FGF14: variants seen among roughly 807,000 people sequenced by gnomAD.
FGF14 encodes the protein fibroblast growth factor 14.
In FGF14, 5 loss-of-function variants were observed where a neutral mutation model predicts 25.5. That is an observed-to-expected ratio of 0.20 (90% CI 0.10 to 0.41). FGF14 has a LOEUF of 0.41. FGF14 is among the 10% of genes least tolerant of loss of function. The pLI is 1.00. For missense variants in FGF14, 222 were observed against 320.1 expected (o/e 0.69, Z 2.34); for synonymous variants, 138 against 118.3 (o/e 1.17, Z -1.08).
At chr13:102,280,581 G>A (rs1438049589) in intron 1 of FGF14, among the ~76,000 whole-genome samples, 1 of 152,222 alleles carries the variant, frequency 6.6e-6, no homozygotes, top group Non-Finnish European at 1.5e-5. Flanking sequence ...TGTCAGGAAT[G>A]CAGGACAGCA....
At chr13:101,817,584 C>A (rs920989978) in intron 3 of FGF14, among the ~76,000 whole-genome samples, 1 of 152,136 alleles carries the variant, frequency 6.6e-6, no homozygotes, top group Non-Finnish European at 1.5e-5. Context: ...TGAAAAGGTA[C>A]TTCAACTAAT....
chr13:101,919,942 G>T (rs988766012), upstream of FGF14, among the ~76,000 whole-genome samples: 1 of 152,180 alleles, frequency 6.6e-6, no homozygotes, highest in African/African-American at 2.4e-5. Context: ...AATTTCAGGA[G>T]CCTCAAGCGG....
intron 1 of FGF14, among the ~76,000 whole-genome samples, chr13:102,042,848 T>C (rs984697241): frequency 3.3e-5 from 5 of 152,180 alleles, no homozygotes; most frequent in African/African-American, 9.6e-5. Context: ...AAACTATGGA[T>C]AGTTGGGGCT....
At chr13:101,837,317 T>C (rs2140304177) in intron 3 of FGF14, among the ~76,000 whole-genome samples, 1 of 152,200 alleles carries the variant, frequency 6.6e-6, no homozygotes, top group Admixed American at 6.6e-5. Context: ...ACTAAAAAAA[T>C]GTAGGTGTAT....
chr13:101,875,370 T>C, intron 1 of FGF14, 74 bp from the exon 2 acceptor site: 1 of 1,060,096 alleles, frequency 9.4e-7, no homozygotes, highest in Non-Finnish European at 1.5e-6. Flanking sequence ...CTGTTTCTCT[T>C]TCTTTTTTCA....
At chr13:102,023,720 T>A (rs1011555907) in intron 1 of FGF14, among the ~76,000 whole-genome samples, 36 of 152,088 alleles carry the variant, frequency 2.4e-4, no homozygotes, top group African/African-American at 8.2e-4. Flanking sequence ...CTGTCTTCTT[T>A]CACTTAGAAA....
chr13:102,161,968 C>T (rs927467855), intron 1 of FGF14, among the ~76,000 whole-genome samples: 1 of 151,964 alleles, frequency 6.6e-6, no homozygotes, highest in East Asian at 1.9e-4. Context: ...TCAAGAAACA[C>T]CTCCATGAGC....
intron 1 of FGF14, among the ~76,000 whole-genome samples, chr13:102,137,854 T>C (rs2046478805): frequency 6.6e-6 from 1 of 150,916 alleles, no homozygotes; most frequent in Non-Finnish European, 1.5e-5. Context: ...TGCCAATCAA[T>C]GAAAAGGATG....
upstream of FGF14, among the ~76,000 whole-genome samples, chr13:101,920,689 C>A (rs370631512): frequency 3.3e-5 from 5 of 152,082 alleles, no homozygotes; most frequent in African/African-American, 4.8e-5. Context: ...ACCACCCCCC[C>A]ACAGTGGATG....
intron 3 of FGF14, among the ~76,000 whole-genome samples, chr13:101,843,486 G>T (rs147112667): frequency 1.3e-5 from 2 of 152,002 alleles, no homozygotes; most frequent in Non-Finnish European, 2.9e-5. Flanking sequence ...CCATTTATTC[G>T]TAAGTATTTC....
intron 1 of FGF14, among the ~76,000 whole-genome samples, chr13:102,280,713 A>G (rs945619): frequency 0.79 from 120,137 of 152,110 alleles, 48,322 homozygotes; most frequent in African/African-American, 0.95. Flanking sequence ...TGGAGTATGC[A>G]TGAGATAAAG....
In FGF14 at chr13:102,153,646, A is replaced by G. The variant is rs144621202; in HGVS notation, c.208+247825T>C. Among the ~76,000 whole-genome samples, 476 of 152,312 alleles carry G rather than the reference A, an allele frequency of 3.1e-3. 1 individual carries two copies. The highest frequency in any genetic ancestry group is 4.9e-3 in the Non-Finnish European group (332 of 68,028). ...CAATTTACCCTATTTATCATTTTTAAATGTACAGTTCAGTAGTAGCAAGTG... is the reference window on the plus strand; with the variant it reads ...CAATTTACCCTATTTATCATTTTTAGATGTACAGTTCAGTAGTAGCAAGTG... On this transcript the variant is annotated intron_variant, in intron 1 of 4. Coordinates refer to the FGF14 transcript ENST00000376131.
At chr13:101,808,192 GTTAA>G (rs1264944210) in intron 3 of FGF14, among the ~76,000 whole-genome samples, 9 of 152,072 alleles carry the variant, frequency 5.9e-5, no homozygotes, top group African/African-American at 1.9e-4. Context: ...GATTTGCAGT[GTTAA>G]TTAAAGAAGA....
intron 1 of FGF14, among the ~76,000 whole-genome samples, chr13:101,967,426 A>T (rs1340246780): frequency 6.6e-6 from 1 of 152,228 alleles, no homozygotes; most frequent in Admixed American, 6.5e-5. Flanking sequence ...TACCAATATC[A>T]GTTTCTGCAG....
At chr13:102,016,274 G>A (rs1342528712) in intron 1 of FGF14, among the ~76,000 whole-genome samples, 10 of 151,886 alleles carry the variant, frequency 6.6e-5, no homozygotes, top group Non-Finnish European at 1.3e-4. Flanking sequence ...CAATATATAT[G>A]ACTATATGTA....
intron 1 of FGF14, among the ~76,000 whole-genome samples, chr13:102,159,310 C>G (rs1286560370): frequency 6.6e-6 from 1 of 152,088 alleles, no homozygotes; most frequent in African/African-American, 2.4e-5. Flanking sequence ...CTGCTGCCAC[C>G]CAGCAAAGCT....
intron 1 of FGF14, among the ~76,000 whole-genome samples, chr13:102,171,120 A>AT (rs1748095272): frequency 6.6e-6 from 1 of 152,210 alleles, no homozygotes; most frequent in African/African-American, 2.4e-5. Context: ...TAAACATATA[A>AT]TATTTGAGGC....
At chr13:101,887,652 A>T (rs2046065490) in intron 1 of FGF14, among the ~76,000 whole-genome samples, 1 of 152,044 alleles carries the variant, frequency 6.6e-6, no homozygotes, top group Non-Finnish European at 1.5e-5. Context: ...TAGAAGGAAT[A>T]AGGTCCAGTA....
chr13:101,748,122 A>G (rs1378793273), intron 3 of FGF14, among the ~76,000 whole-genome samples: 1 of 152,016 alleles, frequency 6.6e-6, no homozygotes, highest in Non-Finnish European at 1.5e-5. Context: ...CTGGGTCTAT[A>G]TCCAAAAGAA....
Sources: allele counts gnomAD v4.1 joint callset (sites outside exome capture counted in the v4.1 genomes callset), GRCh38; gene constraint gnomAD v4.1.1; transcripts MANE v1.5; gene names NCBI Gene and HGNC (gene_info 2026-07-23, HGNC 2026-07-21).